Variants in HEATR4 observed in about 807,000 individuals in gnomAD.
HEATR4 encodes the protein HEAT repeat-containing protein 4.
HEATR4 carries 95 observed loss-of-function variants against 108.8 expected under a neutral mutation model. That is an observed-to-expected ratio of 0.87 (90% CI 0.74 to 1.04). The LOEUF (loss-of-function observed/expected upper bound fraction) is 1.04. HEATR4 is among the 50% of genes least tolerant of loss of function. The pLI is 0.00. For synonymous variants in HEATR4, 443 were observed against 459.4 expected (o/e 0.96, Z 0.46); for missense variants, 1,152 against 1,253.8 (o/e 0.92, Z 1.23).
chr14:73,583,601 C>T, the HEATR4 span, among the ~76,000 whole-genome samples: 3 of 151,944 alleles, frequency 2.0e-5, no homozygotes, highest in African/African-American at 7.2e-5. Context: ...GGTGCCAGAG[C>T]GCCAGAGTGA....
chr14:73,588,992 G>A, the HEATR4 span, among the ~76,000 whole-genome samples: 1 of 151,632 alleles, frequency 6.6e-6, no homozygotes, highest in African/African-American at 2.4e-5. Context: ...TACTCCCTGT[G>A]CCCCCCAAAA....
At chr14:73,611,158 T>C in the HEATR4 span, 2 of 152,248 alleles carry the variant, frequency 1.3e-5, no homozygotes, top group African/African-American at 2.4e-5. Context: ...TAGAGTCTAA[T>C]ACCTTTTTGT....
chr14:73,619,417 G>C, the HEATR4 span: 1 of 1,614,138 alleles, frequency 6.2e-7, no homozygotes, highest in Non-Finnish European at 8.5e-7. Flanking sequence ...TCTAGGAAAA[G>C]TAAAAATCAC....
rs1303629371 is a variant in HEATR4, at chr14:73,535,704, C to T, written c.-151-5460G>A. On this transcript the variant is annotated intron_variant, in intron 1 of 17. Transcript: ENST00000553558. The stretch of plus-strand genomic sequence containing the variant: ...CTGTGTTAGCCAGGATGGTGTCGAT[C>T]TGCTGACCTCGTGATCCACCCGCCT... Among the ~76,000 whole-genome samples the T allele has an allele frequency of 1.2e-4, 13 of 112,420 alleles. 3 individuals are homozygous for T. Among genetic ancestry groups the T allele is most frequent in the Non-Finnish European group, 2.3e-4 (12 of 51,832 alleles). The allele number at this position is 112,420 out of a possible 152,430, so 73.8% of individuals were successfully genotyped here.
chr14:73,520,747 A>G, intron 4 of HEATR4, 105 bp downstream of exon 4: 3 of 1,060,754 alleles, frequency 2.8e-6, no homozygotes, highest in Non-Finnish European at 4.2e-6. Context: ...TGGGTCATCC[A>G]GGGCCTCTTG....
rs949643453 is a variant in HEATR4 at position 73,487,099 on chromosome 14, G to C, written c.2844+5967C>G. 2.3e-4 allele frequency among the ~76,000 whole-genome samples: 33 copies of C among 142,474 alleles called. 2 individuals carry two copies. The highest frequency in any genetic ancestry group is 4.5e-4 in the South Asian group (2 of 4,476). 93.5% of individuals were successfully genotyped at this position (142,474 alleles called of 152,430 possible). On this transcript the variant is annotated intron_variant, in intron 17 of 17. Transcript: ENST00000553558. Reference sequence around the variant, plus strand: ...TGGCTAACATGGTGAAACCCCGTCTGTACTAAAAATAATAATAATAATAAT... The same window carrying C: ...TGGCTAACATGGTGAAACCCCGTCTCTACTAAAAATAATAATAATAATAAT...
rs763234344 is a variant in HEATR4 at position 73,500,654 on chromosome 14, C to T, written c.2182G>A (p.Ala728Thr). 36 of 1,614,002 alleles carry T rather than the reference C, an allele frequency of 2.2e-5. No homozygotes were observed. Among genetic ancestry groups the T allele is most frequent in the Non-Finnish European group, 3.1e-5 (36 of 1,180,006 alleles). The change falls in exon 12 of 18, where the codon GCC becomes ACC. Residue 728 changes from alanine (A) to threonine (T), a missense_variant. Transcript: ENST00000553558. ...YLIGELKLMT[A>T]KLLPSFLHCF... ...TGCAGGAAGCTTGGGAGAAGCTTGG[C>T]GGTCATAAGCTTGAGCTCACCTATC...
the HEATR4 span, among the ~76,000 whole-genome samples, chr14:73,578,953 C>T: frequency 0.051 from 7,766 of 151,622 alleles, 373 homozygotes; most frequent in African/African-American, 0.11. Flanking sequence ...GGCGTGATGG[C>T]GGGTGCCTGT....
At chr14:73,571,801 A>T in the HEATR4 span, 1 of 152,120 alleles carries the variant, frequency 6.6e-6, no homozygotes, top group Non-Finnish European at 1.5e-5. Context: ...TTCGCACAGT[A>T]TGTTAAGATT....
chr14:73,586,746 G>A, the HEATR4 span, among the ~76,000 whole-genome samples: 1 of 151,090 alleles, frequency 6.6e-6, no homozygotes, highest in Admixed American at 6.6e-5. Flanking sequence ...GTCTTGCTCT[G>A]ATGCCCAGAG....
chr14:73,593,801 T>C, the HEATR4 span: 10 of 1,614,020 alleles, frequency 6.2e-6, no homozygotes, highest in Non-Finnish European at 8.5e-6. Flanking sequence ...TTTGCCACGT[T>C]GGCTCTAGCT....
intron 2 of HEATR4, among the ~76,000 whole-genome samples, chr14:73,528,392 C>CAAA (rs371875141): frequency 0.21 from 18,574 of 87,496 alleles, 2,833 homozygotes; most frequent in Non-Finnish European, 0.24. Flanking sequence ...AACTTCATCT[C>CAAA]AAAAAAAAAA....
intron 15 of HEATR4, among the ~76,000 whole-genome samples, chr14:73,496,045 A>T (rs1196928958): frequency 6.6e-6 from 1 of 152,112 alleles, no homozygotes; most frequent in African/African-American, 2.4e-5. Context: ...CACGAGAATC[A>T]CTTGAACCCA....
the HEATR4 span, chr14:73,617,164 C>T: frequency 6.4e-3 from 10,321 of 1,614,100 alleles, 598 homozygotes; most frequent in African/African-American, 0.12. Context: ...TTTGAAGAAG[C>T]CGTGGACTTT....
chr14:73,500,907 A>G (rs1260751288), intron 11 of HEATR4, among the ~76,000 whole-genome samples, 177 bp from the exon 12 acceptor site: 1 of 152,194 alleles, frequency 6.6e-6, no homozygotes, highest in Non-Finnish European at 1.5e-5. Context: ...CTTTACTTGA[A>G]TCCCTAATAC....
intron 1 of HEATR4, among the ~76,000 whole-genome samples, chr14:73,550,585 C>A (rs1889304210): frequency 8.9e-6 from 1 of 111,766 alleles, no homozygotes; most frequent in Non-Finnish European, 1.9e-5. Flanking sequence ...ATGTAAGACT[C>A]CCATAAAGGG....
rs1885119966 is a variant in HEATR4, at chr14:73,478,837, C to T, written c.2850G>A (p.Val950=). 6.2e-7 allele frequency: 1 copy of T among 1,601,218 alleles called. No homozygotes were observed. Among genetic ancestry groups the T allele is most frequent in the Non-Finnish European group, 8.5e-7 (1 of 1,173,180 alleles). ...ACCAGGGATTTGGTGCGCGGGGCTT[C>T]ACAGGCTGCAGAGAAACATGAAAAC... is the stretch of plus-strand genomic sequence containing the variant. The part of the protein sequence containing the change: ...VCDTEAVIKP[V]KPRAPNPWLQ... Residue 950 remains valine (V), a synonymous_variant, in exon 18 of 18, where the codon GTG becomes GTA. Transcript: ENST00000553558.
At chr14:73,570,229 T>C in the HEATR4 span, among the ~76,000 whole-genome samples, 6 of 151,756 alleles carry the variant, frequency 4.0e-5, no homozygotes, top group Non-Finnish European at 7.4e-5. Context: ...GAAGTGTCCC[T>C]GCCGCTCCAA....
At position 73,491,541 on chromosome 14, in the gene HEATR4, C is replaced by A. The variant is rs995850022; in HGVS notation, c.2844+1525G>T. On this transcript the variant is annotated intron_variant, in intron 17 of 17. Transcript: ENST00000553558. The stretch of plus-strand genomic sequence containing the variant: ...GCGTCGGGGCCGCAGGTGGATAACA[C>A]GGGTGGGGAGCCGGCCTGGGACTCC... The A allele has an allele frequency of 3.9e-6, 6 of 1,532,022 alleles. No homozygotes were observed. In the Admixed American group the frequency reaches 6.0e-5, roughly 15 times the overall value. The allele number at this position is 1,532,022 out of a possible 1,614,324, so 94.9% of individuals were successfully genotyped here. A position where few individuals can be genotyped will look rare whatever the true frequency, so the allele number is the denominator to read the frequency against.
Sources: gnomAD v4.1 joint callset for allele counts (sites outside exome capture counted in the v4.1 genomes callset) on GRCh38, gnomAD v4.1.1 for gene constraint, MANE v1.5 for transcripts, NCBI Gene and HGNC (gene_info 2026-07-23, HGNC 2026-07-21) for gene names.